RORA: variants seen among roughly 807,000 people sequenced by gnomAD.
RORA encodes nuclear receptor ROR-alpha.
Under a neutral mutation model 69.5 loss-of-function variants are expected in RORA, and 7 were observed. The ratio of observed to expected loss-of-function variants is 0.10; its 90% CI spans 0.06 to 0.19. RORA has a LOEUF of 0.19. Among genes scored for constraint, RORA ranks in the 10% least tolerant of loss-of-function variants. The pLI, the probability that RORA is intolerant of heterozygous loss-of-function variation, is 1.00. For missense variants in RORA, 457 were observed against 663.0 expected, an observed-to-expected ratio of 0.69 and a Z score of 3.41; for synonymous variants, 261 against 240.8, an observed-to-expected ratio of 1.08 and a Z score of -0.78.
chr15:60,612,665 T>C (rs1372947520), intron 2 of RORA, among the ~76,000 whole-genome samples: 3 of 42,388 alleles, frequency 7.1e-5, no homozygotes, highest in African/African-American at 2.6e-4. Context: ...CTCTCTGTTT[T>C]TTTTTTTTTT....
In RORA at chr15:60,491,407, A is replaced by G. The variant is rs2065038423; in HGVS notation, c.*6048T>C. On this transcript the variant is annotated 3_prime_UTR_variant, in exon 11 of 11. Transcript: ENST00000335670. ...TGTGGTACTGCTAATGTGGCAAAGT[A>G]CATTAAATGTAAACAGCAAACACAG... 1 of 152,186 alleles carries G rather than the reference A, an allele frequency of 6.6e-6. No homozygotes were observed. The highest frequency in any genetic ancestry group is 6.5e-5 in the Admixed American group (1 of 15,270). The allele number at this position is 152,186 out of a possible 1,614,324, so 9.4% of individuals were successfully genotyped here.
intron 1 of RORA, among the ~76,000 whole-genome samples, chr15:61,106,170 C>A (rs769365942): frequency 6.6e-6 from 1 of 152,192 alleles, no homozygotes; most frequent in Non-Finnish European, 1.5e-5. Context: ...CTTTGACCAT[C>A]TTGTTCAATG....
intron 1 of RORA, among the ~76,000 whole-genome samples, chr15:60,935,766 G>C (rs1892501863): frequency 6.6e-6 from 1 of 152,208 alleles, no homozygotes; most frequent in Non-Finnish European, 1.5e-5. Flanking sequence ...TCATTGCTTT[G>C]GAGGAGGTGG....
At chr15:60,665,952 G>A (rs1483810371) in intron 2 of RORA, among the ~76,000 whole-genome samples, 1 of 152,182 alleles carries the variant, frequency 6.6e-6, no homozygotes, top group East Asian at 1.9e-4. Context: ...TAGGATTACA[G>A]GTGTGAGCCA....
chr15:60,799,066 C>T (rs1372719518), intron 1 of RORA, among the ~76,000 whole-genome samples: 1 of 151,938 alleles, frequency 6.6e-6, no homozygotes, highest in Non-Finnish European at 1.5e-5. Flanking sequence ...AGGGCAGGGA[C>T]CTTCCCTTTA....
At chr15:60,581,573 G>C (rs979759860) in intron 2 of RORA, among the ~76,000 whole-genome samples, 3 of 152,164 alleles carry the variant, frequency 2.0e-5, no homozygotes, top group Non-Finnish European at 4.4e-5. Context: ...AATCTTTAAA[G>C]ATCTCTGTTG....
At chr15:60,592,402 T>A in intron 2 of RORA, 1 of 1,436,438 alleles carries the variant, frequency 7.0e-7, no homozygotes, top group African/African-American at 1.5e-5. Flanking sequence ...ATCGCTGCGA[T>A]CACAAAATAC....
intron 1 of RORA, among the ~76,000 whole-genome samples, chr15:60,928,715 C>T (rs1892287968): frequency 6.6e-6 from 1 of 152,176 alleles, no homozygotes; most frequent in African/African-American, 2.4e-5. Flanking sequence ...AGTCCCACAG[C>T]ATGTTCATGG....
intron 1 of RORA, among the ~76,000 whole-genome samples, chr15:60,820,729 C>G (rs1286858517): frequency 6.6e-6 from 1 of 152,174 alleles, no homozygotes; most frequent in Non-Finnish European, 1.5e-5. Flanking sequence ...AACGGCAGAT[C>G]TGGAGGTCCC....
chr15:60,714,654 C>T (rs1284654342), intron 1 of RORA, among the ~76,000 whole-genome samples: 2 of 152,080 alleles, frequency 1.3e-5, no homozygotes, highest in Non-Finnish European at 2.9e-5. Flanking sequence ...TGTGAGCCAC[C>T]GTGCCTGGTC....
At chr15:61,191,083 T>C (rs1244128835) in intron 1 of RORA, among the ~76,000 whole-genome samples, 1 of 152,072 alleles carries the variant, frequency 6.6e-6, no homozygotes, top group Non-Finnish European at 1.5e-5. Flanking sequence ...CAGCATTATA[T>C]AGTGGAAACA....
At chr15:60,904,916 C>T (rs1464092840) in intron 1 of RORA, among the ~76,000 whole-genome samples, 1 of 152,194 alleles carries the variant, frequency 6.6e-6, no homozygotes, top group African/African-American at 2.4e-5. Flanking sequence ...TAGCAGGCAG[C>T]ATCCAATGGT....
chr15:60,955,118 A>G (rs1020328151), intron 1 of RORA, among the ~76,000 whole-genome samples: 14 of 152,292 alleles, frequency 9.2e-5, no homozygotes, highest in South Asian at 6.2e-4. Flanking sequence ...CCTGGCCAAC[A>G]TGGTGAAACC....
rs187457352 is a variant in RORA, at chr15:60,684,938, C to G, written c.167-6252G>C. 1.5e-3 allele frequency among the ~76,000 whole-genome samples: 227 copies of G among 152,282 alleles called. 1 individual carries two copies. The highest frequency in any genetic ancestry group is 5.1e-3 in the African/African-American group (214 of 41,566). On this transcript the variant is annotated intron_variant, in intron 1 of 10. Coordinates refer to ENST00000335670, the MANE Select transcript of RORA (RefSeq NM_134261.3). ...CTTGGGCAAATATAGCTTAACTTCT[C>G]TGAGCCTTTCTTTTCTTATTCCATA...
chr15:60,843,900 C>T (rs2073232197), intron 1 of RORA, among the ~76,000 whole-genome samples: 1 of 152,240 alleles, frequency 6.6e-6, no homozygotes, highest in African/African-American at 2.4e-5. Context: ...AGTCCTTCCT[C>T]AGCTGGGCTG....
intron 1 of RORA, among the ~76,000 whole-genome samples, chr15:60,794,933 C>T (rs965634652): frequency 3.9e-5 from 6 of 152,170 alleles, no homozygotes; most frequent in African/African-American, 1.2e-4. Flanking sequence ...ATGGGTGGTG[C>T]TGAGATTCTG....
At chr15:60,972,506 G>A (rs1490901050) in intron 1 of RORA, among the ~76,000 whole-genome samples, 4 of 152,268 alleles carry the variant, frequency 2.6e-5, no homozygotes, top group South Asian at 2.1e-4. Context: ...TCTCCTGTTC[G>A]TTATGAGTAT....
chr15:61,117,198 A>AT (rs1271809336), intron 1 of RORA, among the ~76,000 whole-genome samples: 1 of 128,258 alleles, frequency 7.8e-6, no homozygotes, highest in Non-Finnish European at 1.7e-5. Flanking sequence ...TTTTTTTAAC[A>AT]TAAACTGCCT....
chr15:60,561,373 G>A (rs1379928089), intron 2 of RORA, among the ~76,000 whole-genome samples: 5 of 152,016 alleles, frequency 3.3e-5, no homozygotes, highest in East Asian at 1.9e-4. Flanking sequence ...GAGCCACCGC[G>A]CCTGGCCAAC....
Sources: gnomAD v4.1 joint callset for allele counts (sites outside exome capture counted in the v4.1 genomes callset) on GRCh38, gnomAD v4.1.1 for gene constraint, MANE v1.5 for transcripts, NCBI Gene and HGNC (gene_info 2026-07-23, HGNC 2026-07-21) for gene names.